The following PCSK5 variants were observed in gnomAD, a reference collection of about 807,000 sequenced individuals.
PCSK5 encodes proprotein convertase subtilisin/kexin type 5.
A neutral mutation model predicts 233.2 loss-of-function variants in PCSK5; 129 were observed. The ratio of observed to expected loss-of-function variants is 0.55; its 90% CI spans 0.48 to 0.64. The LOEUF is 0.64. Among genes scored for constraint, PCSK5 ranks in the 30% least tolerant of loss-of-function variants. The probability of loss-of-function intolerance (pLI) is 0.00; values close to 1 mark genes in which losing one functional copy is unlikely to be tolerated. For synonymous variants in PCSK5, 825 were observed against 879.2 expected (o/e 0.94, Z 1.09); for missense variants, 2,076 against 2,430.1 (o/e 0.85, Z 3.06).
intron 14 of PCSK5, among the ~76,000 whole-genome samples, chr9:76,177,812 T>C (rs1300311218): frequency 6.6e-6 from 1 of 152,224 alleles, no homozygotes; most frequent in Non-Finnish European, 1.5e-5. Context: ...ACCAAGACTA[T>C]TATTGCATTA....
At chr9:76,030,518 T>C (rs1191289439) in intron 5 of PCSK5, among the ~76,000 whole-genome samples, 1 of 152,204 alleles carries the variant, frequency 6.6e-6, no homozygotes, top group African/African-American at 2.4e-5. Flanking sequence ...ACTGATGACA[T>C]GTATTGAGAC....
intron 24 of PCSK5, among the ~76,000 whole-genome samples, chr9:76,277,273 C>A (rs1827723399): frequency 6.6e-6 from 1 of 151,960 alleles, no homozygotes; most frequent in South Asian, 2.1e-4. Context: ...TTATGTCTTC[C>A]CCCCAAAGAA....
chr9:76,278,570 A>G (rs1338627199), intron 24 of PCSK5, among the ~76,000 whole-genome samples: 1 of 152,090 alleles, frequency 6.6e-6, no homozygotes, highest in Admixed American at 6.5e-5. Flanking sequence ...CCAATTCTGT[A>G]ACACACATTT....
intron 7 of PCSK5, among the ~76,000 whole-genome samples, chr9:76,072,692 C>A (rs1232504700): frequency 6.6e-6 from 1 of 152,112 alleles, no homozygotes; most frequent in Non-Finnish European, 1.5e-5. Context: ...CTCTTTTACT[C>A]CTTATAATGT....
intron 37 of PCSK5, among the ~76,000 whole-genome samples, chr9:76,355,679 TTTTC>T (rs1160395694): frequency 4.6e-5 from 7 of 151,736 alleles, no homozygotes; most frequent in Admixed American, 6.6e-5. Context: ...TTGATTAGCA[TTTTC>T]TTTCTTTCTT....
In PCSK5 at chr9:76,332,594, C is replaced by T. The variant is rs1410306497; in HGVS notation, c.4732C>T (p.Leu1578Phe). 6.3e-7 allele frequency: 1 copy of T among 1,593,702 alleles called. No individual in the cohort carries two copies. ...GWFQLGKECLLQCREGYYADN... is the reference protein window; with the variant it reads ...GWFQLGKECLFQCREGYYADN... ...GTTCCAGCTAGGAAAAGAGTGCCTGCTCCAGTGCAGGGAAGGGTAAGTGCT... is the reference window on the plus strand; with the variant it reads ...GTTCCAGCTAGGAAAAGAGTGCCTGTTCCAGTGCAGGGAAGGGTAAGTGCT... Residue 1578 changes from leucine to phenylalanine, a missense_variant, in exon 34 of 38, where the codon CTC (leucine) becomes TTC (phenylalanine). Around this residue, in one of 6 missense-constraint regions of PCSK5, gnomAD observed 1,510 missense variants for 1,538.1 expected, o/e 0.98. Coordinates refer to ENST00000674117, the MANE Select transcript of PCSK5 (RefSeq NM_001372043.1).
intron 2 of PCSK5, among the ~76,000 whole-genome samples, chr9:75,941,738 G>A (rs536772741): frequency 1.3e-5 from 2 of 152,214 alleles, no homozygotes; most frequent in South Asian, 4.2e-4. Flanking sequence ...TCCATTTATG[G>A]TGACACGATG....
At chr9:76,301,160 T>C (rs1398360405) in intron 27 of PCSK5, among the ~76,000 whole-genome samples, 1 of 151,328 alleles carries the variant, frequency 6.6e-6, no homozygotes, top group African/African-American at 2.4e-5. Context: ...TAGTCTCAGC[T>C]ACTTGGGAGG....
intron 30 of PCSK5, among the ~76,000 whole-genome samples, chr9:76,317,286 C>T (rs1829061338): frequency 6.6e-6 from 1 of 152,124 alleles, no homozygotes. Context: ...TCACTTCAAC[C>T]CAGGAGGTAG....
At chr9:76,259,410 C>T (rs1214063465) in intron 24 of PCSK5, among the ~76,000 whole-genome samples, 4 of 151,692 alleles carry the variant, frequency 2.6e-5, no homozygotes, top group African/African-American at 9.7e-5. Context: ...TCCTAAGAGG[C>T]TTATCCTCAG....
intron 12 of PCSK5, among the ~76,000 whole-genome samples, chr9:76,166,666 G>A (rs777888127): frequency 1.3e-5 from 2 of 152,178 alleles, no homozygotes; most frequent in Admixed American, 6.5e-5. Flanking sequence ...TTTTAAGTTC[G>A]GCACTCTTGG....
At chr9:76,214,738 T>C (rs1245430854) in intron 20 of PCSK5, among the ~76,000 whole-genome samples, 2 of 152,230 alleles carry the variant, frequency 1.3e-5, no homozygotes, top group Non-Finnish European at 1.5e-5. Context: ...TTATTATTAC[T>C]AATTCAGTGA....
At chr9:76,028,140 T>C (rs527414203) in intron 5 of PCSK5, among the ~76,000 whole-genome samples, 1 of 152,304 alleles carries the variant, frequency 6.6e-6, no homozygotes, top group South Asian at 2.1e-4. Flanking sequence ...TCAGATTCAG[T>C]GGTGAAAGCA....
chr9:75,957,873 T>A (rs984245025), intron 2 of PCSK5, among the ~76,000 whole-genome samples: 4 of 152,250 alleles, frequency 2.6e-5, no homozygotes, highest in African/African-American at 9.6e-5. Context: ...TTGTATGGTG[T>A]GACTGTTTTC....
rs149365255 is a variant in PCSK5 at position 76,189,693 on chromosome 9, G to T, written c.2573G>T (p.Ser858Ile). Reference protein sequence around the residue: ...PGFKNCTSCPSGYLLDLGMCQ... With the variant: ...PGFKNCTSCPIGYLLDLGMCQ... ...TTCAAGAACTGTACAAGCTGCCCTA[G>T]TGGGTATCTCTTAGACTTAGGAATG... Residue 858 changes from serine (S) to isoleucine (I), a missense_variant, in exon 20 of 38, where the codon AGT becomes ATT. Physicochemically the swap from Ser to Ile is moderately radical, Grantham distance 142. Around this residue, in one of 6 missense-constraint regions of PCSK5, gnomAD observed 1,510 missense variants for 1,538.1 expected, o/e 0.98. Transcript: ENST00000674117. 4 of 1,613,224 alleles carry T rather than the reference G, an allele frequency of 2.5e-6. No homozygotes were observed. Among genetic ancestry groups the T allele is most frequent in the South Asian group, 1.1e-5 (1 of 91,066 alleles).
In PCSK5 at chr9:76,359,914, C is replaced by T. The variant is rs1421260546; in HGVS notation, c.*992C>T. 1 of 152,082 alleles carries T rather than the reference C, an allele frequency of 6.6e-6. No individual in the cohort carries two copies. The allele number at this position is 152,082 out of a possible 1,614,324, so 9.4% of individuals were successfully genotyped here. A position where few individuals can be genotyped will look rare whatever the true frequency, so the allele number is the denominator to read the frequency against. Reference sequence around the variant, plus strand: ...AAAAAAAAAATCCCAATATGCTGCTCACAAGCTGTACTCTAGCTGCTGACC... The same window carrying T: ...AAAAAAAAAATCCCAATATGCTGCTTACAAGCTGTACTCTAGCTGCTGACC... On this transcript the variant is annotated 3_prime_UTR_variant, in exon 38 of 38. Coordinates refer to ENST00000674117, the MANE Select transcript of PCSK5 (RefSeq NM_001372043.1).
chr9:76,061,008 CAAATT>C (rs1217745483), intron 5 of PCSK5, among the ~76,000 whole-genome samples: 1 of 151,980 alleles, frequency 6.6e-6, no homozygotes, highest in African/African-American at 2.4e-5. Flanking sequence ...AATGTGTATA[CAAATT>C]AAATAGTCAC....
chr9:76,057,604 T>G (rs1829866556), intron 5 of PCSK5, among the ~76,000 whole-genome samples: 1 of 152,206 alleles, frequency 6.6e-6, no homozygotes, highest in Non-Finnish European at 1.5e-5. Context: ...TAAAGCAATG[T>G]ACAGAAATCT....
chr9:75,990,729 C>G (rs1435613826), intron 3 of PCSK5, among the ~76,000 whole-genome samples: 1 of 152,200 alleles, frequency 6.6e-6, no homozygotes, highest in African/African-American at 2.4e-5. Flanking sequence ...TCTGGGATCA[C>G]GTGCATATAT....
Sources: gnomAD v4.1 joint callset for allele counts (sites outside exome capture counted in the v4.1 genomes callset) on GRCh38, gnomAD v4.1.1 for gene constraint, gnomAD v4.1.1 regional missense constraint, MANE v1.5 for transcripts, NCBI Gene and HGNC (gene_info 2026-07-23, HGNC 2026-07-21) for gene names.